FRMD1: variants seen among roughly 807,000 people sequenced by gnomAD.
FRMD1 encodes FERM domain-containing protein 1.
A neutral mutation model predicts 54.9 loss-of-function variants in FRMD1; 51 were observed. That is an observed-to-expected ratio of 0.93 (90% CI 0.74 to 1.17). The LOEUF (loss-of-function observed/expected upper bound fraction) is 1.17. Ranked by LOEUF, FRMD1 falls within the 50% of genes most tolerant of loss-of-function variation. The probability of loss-of-function intolerance (pLI) is 0.00; values close to 1 mark genes in which losing one functional copy is unlikely to be tolerated. For synonymous variants in FRMD1, 324 were observed against 306.4 expected, an observed-to-expected ratio of 1.06 and a Z score of -0.60; for missense variants, 729 against 743.0, an observed-to-expected ratio of 0.98 and a Z score of 0.22.
chr6:168,066,906 G>T, intron 3 of FRMD1, 75 bp from the exon 4 acceptor site: 1 of 1,575,174 alleles, frequency 6.3e-7, no homozygotes, highest in Non-Finnish European at 8.6e-7. Context: ...TCCCAGTTGG[G>T]GGGGCCTGGA....
intron 1 of FRMD1, among the ~76,000 whole-genome samples, chr6:168,077,284 G>C (rs56681505): frequency 1.3e-5 from 2 of 151,708 alleles, no homozygotes; most frequent in African/African-American, 4.8e-5. Flanking sequence ...ACTCCGATGG[G>C]GGGGGGTTCT....
At position 168,056,657 on chromosome 6, in the gene FRMD1, G is replaced by A. The variant is rs912486132; in HGVS notation, c.*440C>T. On this transcript the variant is annotated 3_prime_UTR_variant, in exon 11 of 11. Transcript: ENST00000283309. Reference sequence around the variant, plus strand: ...GTGATGACTGTGAACTCCGGCTTGGGAGCTCTGGCAGCCTGTGCCCATCAG... The same window carrying A: ...GTGATGACTGTGAACTCCGGCTTGGAAGCTCTGGCAGCCTGTGCCCATCAG... 4.5e-5 allele frequency: 7 copies of A among 156,462 alleles called. No homozygotes were observed. The South Asian group carries it at 6.1e-4, about 14-fold the overall frequency. The allele number at this position is 156,462 out of a possible 1,614,324, so 9.7% of individuals were successfully genotyped here. A position where few individuals can be genotyped will look rare whatever the true frequency, so the allele number is the denominator to read the frequency against.
At chr6:168,057,399 C>A in intron 10 of FRMD1, 60 bp from the exon 11 acceptor site, 1 of 1,576,888 alleles carries the variant, frequency 6.3e-7, no homozygotes, top group East Asian at 2.2e-5. Flanking sequence ...CCACCGCACA[C>A]GGCAGCCACA....
upstream of FRMD1, among the ~76,000 whole-genome samples, chr6:168,080,566 A>T (rs1435373296): frequency 1.3e-5 from 2 of 152,172 alleles, no homozygotes; most frequent in Non-Finnish European, 2.9e-5. Context: ...GCCTGGAGTC[A>T]CAGTGCCGGC....
chr6:168,059,425 G>A lies in FRMD1; in HGVS notation c.1343-237C>T, dbSNP rs1799600912. 6.6e-6 allele frequency among the ~76,000 whole-genome samples: 1 copy of A among 152,206 alleles called. No homozygotes were observed. Among genetic ancestry groups the A allele is most frequent in the South Asian group, 2.1e-4 (1 of 4,830 alleles). On this transcript the variant is annotated intron_variant, in intron 9 of 10. Coordinates refer to ENST00000283309, the MANE Select transcript of FRMD1 (RefSeq NM_024919.6). The surrounding 1 kb of genome is among the most constrained non-coding windows in gnomAD (Gnocchi z 4.4). ...CACGGTGATTCCCGCTGGGTTACAG[G>A]CCACAGAGCTTGCATACATCCTCAG...
At chr6:168,066,525 AAAAAG>A (rs1450932345) in intron 4 of FRMD1, 1 of 1,283,004 alleles carries the variant, frequency 7.8e-7, no homozygotes, top group Non-Finnish European at 9.9e-7. Flanking sequence ...AAACAAAAAG[AAAAAG>A]AAAAGAAAAA....
rs1034926659 is a variant in FRMD1, at chr6:168,054,991, C to T, written c.*2106G>A. On this transcript the variant is annotated 3_prime_UTR_variant, in exon 11 of 11. Coordinates refer to ENST00000283309, the MANE Select transcript of FRMD1 (RefSeq NM_024919.6). ...GGCCTCTAATTGTCCTCTCCACATA[C>T]CCTGAACACCAGAGATTAGAGTCTT... 6.6e-6 allele frequency: 1 copy of T among 152,276 alleles called. No individual in the cohort carries two copies. Among genetic ancestry groups the T allele is most frequent in the Non-Finnish European group, 1.5e-5 (1 of 68,084 alleles). The allele number at this position is 152,276 out of a possible 1,614,324, so 9.4% of individuals were successfully genotyped here. A position where few individuals can be genotyped will look rare whatever the true frequency, so the allele number is the denominator to read the frequency against.
Position 168,054,382 on chromosome 6 carries a change from T to G in FRMD1, c.*2715A>C, listed in dbSNP as rs1454380409. 6.6e-6 allele frequency: 1 copy of G among 152,390 alleles called. No homozygotes were observed. Among genetic ancestry groups the G allele is most frequent in the Admixed American group, 6.5e-5 (1 of 15,290 alleles). The allele number at this position is 152,390 out of a possible 1,614,324, so 9.4% of individuals were successfully genotyped here. On this transcript the variant is annotated 3_prime_UTR_variant, in exon 11 of 11. Coordinates refer to ENST00000283309, the MANE Select transcript of FRMD1 (RefSeq NM_024919.6). Reference sequence around the variant, plus strand: ...TGCGAGGCTGTGATGCTGGAGGTCCTTGGCCTGCTCCTTGGGGGTCCACAG... The same window carrying G: ...TGCGAGGCTGTGATGCTGGAGGTCCGTGGCCTGCTCCTTGGGGGTCCACAG...
At chr6:168,086,840 A>G (rs563992394) in intron 1 of FRMD1, among the ~76,000 whole-genome samples, 2 of 152,152 alleles carry the variant, frequency 1.3e-5, no homozygotes, top group East Asian at 1.9e-4. Flanking sequence ...AGCCCATGTG[A>G]CCCCGTTCTG....
intron 1 of FRMD1, among the ~76,000 whole-genome samples, chr6:168,077,629 C>T (rs1377740759): frequency 1.3e-5 from 2 of 152,264 alleles, no homozygotes; most frequent in Non-Finnish European, 2.9e-5. Context: ...GTTGCAGAGG[C>T]ACTTCAGGGA....
chr6:168,058,842 G>A lies in FRMD1; in HGVS notation c.1407+282C>T, dbSNP rs779507835. Among the ~76,000 whole-genome samples, 49 of 152,090 alleles carry A rather than the reference G, an allele frequency of 3.2e-4. 1 individual carries two copies. The highest frequency in any genetic ancestry group is 2.5e-3 in the Admixed American group (38 of 15,278). ...GTCCGGGTCCTGCCTACAGTGGCCC[G>A]GTGACACTCAGGGCCCGGCCACCCC... is the stretch of plus-strand genomic sequence containing the variant. On this transcript the variant is annotated intron_variant, in intron 10 of 10. Coordinates refer to ENST00000283309, the MANE Select transcript of FRMD1 (RefSeq NM_024919.6).
intron 1 of FRMD1, among the ~76,000 whole-genome samples, chr6:168,090,939 G>A (rs890413803): frequency 3.9e-5 from 6 of 152,124 alleles, no homozygotes; most frequent in South Asian, 2.1e-4. Flanking sequence ...CTTGCCCACC[G>A]ATCCAGGCCA....
At chr6:168,089,582 A>G (rs1800980941) in intron 1 of FRMD1, among the ~76,000 whole-genome samples, 1 of 152,220 alleles carries the variant, frequency 6.6e-6, no homozygotes, top group African/African-American at 2.4e-5. Context: ...CTGTGCACAG[A>G]TAATCGACCA....
At position 168,057,294 on chromosome 6, in the gene FRMD1, C is replaced by T. The variant is rs1323887843; in HGVS notation, c.1453G>A (p.Gly485Ser). The T allele has an allele frequency of 6.2e-7, 1 of 1,612,338 alleles. No homozygotes were observed. The highest frequency in any genetic ancestry group is 8.5e-7 in the Non-Finnish European group (1 of 1,179,752). Residue 485 changes from glycine to serine, a missense_variant, in exon 11 of 11, where the codon GGC becomes AGC. Gly to Ser is a moderately conservative substitution (Grantham distance 56, BLOSUM62 0). Transcript: ENST00000283309. Reference sequence around the variant, plus strand: ...TGGTGCAGCTGCATGTCGTCCAGGCCATGGCTGTGCTGCTCCTCACTGACC... The same window carrying T: ...TGGTGCAGCTGCATGTCGTCCAGGCTATGGCTGTGCTGCTCCTCACTGACC... ...AGVSEEQHSHGLDDMQLHQLA... is the reference protein window; with the variant it reads ...AGVSEEQHSHSLDDMQLHQLA...
intron 8 of FRMD1, 138 bp downstream of exon 8, chr6:168,061,669 G>T: frequency 1.1e-6 from 1 of 932,066 alleles, no homozygotes; most frequent in Non-Finnish European, 1.6e-6. Flanking sequence ...TTCGACCTCA[G>T]CATCTGGGGG....
chr6:168,084,488 G>A (rs1800885912), upstream of FRMD1, among the ~76,000 whole-genome samples: 1 of 152,212 alleles, frequency 6.6e-6, no homozygotes, highest in African/African-American at 2.4e-5. Flanking sequence ...AAAGAAGGGG[G>A]CTGGACGGCA....
chr6:168,070,788 G>A (rs1446116984), intron 2 of FRMD1, among the ~76,000 whole-genome samples: 1 of 152,202 alleles, frequency 6.6e-6, no homozygotes, highest in Non-Finnish European at 1.5e-5. Flanking sequence ...CGTCCTACTT[G>A]TCCTGCTTCT....
chr6:168,066,370 C>T (rs1006550278), intron 4 of FRMD1: 9 of 454,906 alleles, frequency 2.0e-5, no homozygotes, highest in African/African-American at 8.5e-5. Flanking sequence ...TGGTGGCGCC[C>T]GCCTGTAATC....
chr6:168,092,609 T>C (rs1801033429), intron 1 of FRMD1, among the ~76,000 whole-genome samples: 1 of 151,572 alleles, frequency 6.6e-6, no homozygotes. Flanking sequence ...GTGAGGACAC[T>C]GCAAGAAGGT....
Sources: gnomAD v4.1 joint callset for allele counts (sites outside exome capture counted in the v4.1 genomes callset) on GRCh38, gnomAD v4.1.1 for gene constraint, Gnocchi (gnomAD v3.1) non-coding constraint, MANE v1.5 for transcripts, NCBI Gene and HGNC (gene_info 2026-07-23, HGNC 2026-07-21) for gene names.